PACSIN2: variants seen among roughly 807,000 people sequenced by gnomAD.
PACSIN2 encodes protein kinase C and casein kinase substrate in neurons 2, also known as protein kinase C and casein kinase substrate in neurons protein 2.
A neutral mutation model predicts 63.8 loss-of-function variants in PACSIN2; 25 were observed. The ratio of observed to expected loss-of-function variants is 0.39; its 90% CI spans 0.29 to 0.55. The LOEUF is 0.55. Ranked by LOEUF, PACSIN2 falls within the 20% of genes least tolerant of loss-of-function variation. The pLI, the probability that PACSIN2 is intolerant of heterozygous loss-of-function variation, is 0.62. For missense variants in PACSIN2, 518 were observed against 646.9 expected, an observed-to-expected ratio of 0.80 and a Z score of 2.16; for synonymous variants, 255 against 256.2, an observed-to-expected ratio of 1.00 and a Z score of 0.05.
At chr22:42,887,453 C>T (rs1178209242) in intron 5 of PACSIN2, among the ~76,000 whole-genome samples, 1 of 152,210 alleles carries the variant, frequency 6.6e-6, no homozygotes, top group African/African-American at 2.4e-5. Flanking sequence ...CCAGGAAAGG[C>T]TGGTGGGTAG....
chr22:42,961,069 C>T (rs964038775), intron 1 of PACSIN2, among the ~76,000 whole-genome samples: 5 of 152,140 alleles, frequency 3.3e-5, no homozygotes, highest in African/African-American at 1.2e-4. Context: ...CAGTTCAGGG[C>T]GGTTCCTCCT....
At chr22:42,903,739 A>AT (rs1431344131) in intron 2 of PACSIN2, among the ~76,000 whole-genome samples, 2 of 152,216 alleles carry the variant, frequency 1.3e-5, no homozygotes, top group Non-Finnish European at 2.9e-5. Context: ...AGGGTTAGAG[A>AT]TTCAGAATCG....
chr22:42,901,120 T>C (rs1238706316), intron 2 of PACSIN2, among the ~76,000 whole-genome samples: 3 of 152,062 alleles, frequency 2.0e-5, no homozygotes, highest in Admixed American at 6.6e-5. Context: ...TCTTCCCCTT[T>C]AATCTGTGGC....
intron 1 of PACSIN2, among the ~76,000 whole-genome samples, chr22:42,951,950 G>T (rs1005320525): frequency 6.6e-6 from 1 of 152,122 alleles, no homozygotes; most frequent in Non-Finnish European, 1.5e-5. Flanking sequence ...CCCTCTGCCG[G>T]GAATACCTGC....
chr22:42,934,145 T>C (rs569371019), intron 1 of PACSIN2, among the ~76,000 whole-genome samples: 1 of 152,346 alleles, frequency 6.6e-6, no homozygotes, highest in African/African-American at 2.4e-5. Context: ...CAAGTTGATC[T>C]GAATAACAAC....
chr22:42,884,647 C>T, intron 5 of PACSIN2, 86 bp from the exon 6 acceptor site: 1 of 986,876 alleles, frequency 1.0e-6, no homozygotes, highest in South Asian at 1.7e-5. Context: ...CAGGCCTTCC[C>T]AGATTCCAAA....
At chr22:42,876,829 A>G in intron 9 of PACSIN2, 59 bp downstream of exon 9, 4 of 1,609,472 alleles carry the variant, frequency 2.5e-6, no homozygotes, top group Non-Finnish European at 3.4e-6. Context: ...CTGGACAGAG[A>G]GAGAGGAAGA....
rs188221902 is a variant in PACSIN2 at position 42,891,491 on chromosome 22, C to T, written c.218-309G>A. Among the ~76,000 whole-genome samples, 65 of 152,266 alleles carry T rather than the reference C, an allele frequency of 4.3e-4. No homozygotes were observed. The East Asian group carries it at 0.012, about 29-fold the overall frequency. On this transcript the variant is annotated intron_variant, in intron 3 of 10. Transcript: ENST00000263246. ...TCTTGGCTCACTGCAAACTCTGTCT[C>T]CCAGGTTCAAGAGATTCTCCTGCCT...
At position 42,879,246 on chromosome 22, in the gene PACSIN2, C is replaced by A. The variant is rs544207430; in HGVS notation, c.907-77G>T. On this transcript the variant is annotated intron_variant, in intron 7 of 10. Coordinates refer to ENST00000263246, the MANE Select transcript of PACSIN2 (RefSeq NM_001184970.3). Reference sequence around the variant, plus strand: ...AGCCACGTCTGTCCTCAGTTCCTGCCCAGCGAGCCTGCAGTTGGCTCTGTG... The same window carrying A: ...AGCCACGTCTGTCCTCAGTTCCTGCACAGCGAGCCTGCAGTTGGCTCTGTG... The A allele has an allele frequency of 2.2e-5, 33 of 1,498,516 alleles. No individual in the cohort carries two copies. In the East Asian group the frequency reaches 7.2e-4, roughly 33 times the overall value. The allele number at this position is 1,498,516 out of a possible 1,614,324, so 92.8% of individuals were successfully genotyped here.
chr22:42,883,714 T>C (rs144707407), intron 6 of PACSIN2, among the ~76,000 whole-genome samples: 140 of 152,360 alleles, frequency 9.2e-4, no homozygotes, highest in Middle Eastern at 6.8e-3. Flanking sequence ...ATCTTACATA[T>C]GCCAGCTGCG....
chr22:42,994,645 C>G (rs1923276842), intron 1 of PACSIN2, among the ~76,000 whole-genome samples: 1 of 152,222 alleles, frequency 6.6e-6, no homozygotes, highest in Non-Finnish European at 1.5e-5. Flanking sequence ...TGTCCCTGTG[C>G]ATGGCCTAAA....
chr22:42,889,373 T>TACACACACACACACACAC (rs58408551), intron 4 of PACSIN2, among the ~76,000 whole-genome samples: 34,117 of 121,970 alleles, frequency 0.28, 4,924 homozygotes, highest in Non-Finnish European at 0.39. Flanking sequence ...TAATGGTTTT[T>TACACACACACACACACAC]ACACACACAC....
chr22:42,941,793 G>A (rs574978237), intron 1 of PACSIN2, among the ~76,000 whole-genome samples: 1 of 152,202 alleles, frequency 6.6e-6, no homozygotes, highest in African/African-American at 2.4e-5. Context: ...GTTTGAGACA[G>A]AGTCTCACTC....
At chr22:42,939,719 C>G (rs2146799362) in intron 1 of PACSIN2, among the ~76,000 whole-genome samples, 1 of 152,336 alleles carries the variant, frequency 6.6e-6, no homozygotes, top group South Asian at 2.1e-4. Context: ...CTGCCTAACT[C>G]TATGCAGTCA....
chr22:42,889,271 G>A (rs984874847), intron 4 of PACSIN2, among the ~76,000 whole-genome samples: 22 of 151,968 alleles, frequency 1.4e-4, no homozygotes, highest in Non-Finnish European at 3.1e-4. Context: ...CCGCAGGATC[G>A]GCAAATACAA....
At chr22:42,882,363 A>G in intron 6 of PACSIN2, 59 bp from the exon 7 acceptor site, 1 of 1,554,334 alleles carries the variant, frequency 6.4e-7, no homozygotes, top group Non-Finnish European at 8.7e-7. Context: ...CCTTTGTCCC[A>G]GCCCAGTGCC....
intron 1 of PACSIN2, among the ~76,000 whole-genome samples, chr22:42,924,556 C>G (rs1433976561): frequency 2.0e-5 from 3 of 152,118 alleles, no homozygotes; most frequent in Non-Finnish European, 4.4e-5. Flanking sequence ...CCCGCATCTG[C>G]TCACCTCCAC....
chr22:42,895,524 T>C (rs532118691), intron 2 of PACSIN2, among the ~76,000 whole-genome samples: 25 of 152,312 alleles, frequency 1.6e-4, no homozygotes, highest in Non-Finnish European at 2.6e-4. Context: ...TCAGAACCAC[T>C]GGTTAAAGGT....
chr22:43,011,642 C>T (rs1022172432), intron 1 of PACSIN2, among the ~76,000 whole-genome samples: 6 of 152,258 alleles, frequency 3.9e-5, no homozygotes, highest in Non-Finnish European at 7.3e-5. Flanking sequence ...TCTGCGAGGC[C>T]GAGGCGGGCA....
Sources: allele counts gnomAD v4.1 joint callset (sites outside exome capture counted in the v4.1 genomes callset), GRCh38; gene constraint gnomAD v4.1.1; transcripts MANE v1.5; gene names NCBI Gene and HGNC (gene_info 2026-07-23, HGNC 2026-07-21).